TMEM45B: variants seen among roughly 807,000 people sequenced by gnomAD.
TMEM45B encodes the protein transmembrane protein 45B.
In TMEM45B, 29 loss-of-function variants were observed where a neutral mutation model predicts 27.3. The ratio of observed to expected loss-of-function variants is 1.06; its 90% CI spans 0.79 to 1.45. TMEM45B has a LOEUF of 1.45. Ranked by LOEUF, TMEM45B falls within the 40% of genes most tolerant of loss-of-function variation. The probability of loss-of-function intolerance (pLI) is 0.00; values close to 1 mark genes in which losing one functional copy is unlikely to be tolerated. For synonymous variants in TMEM45B, 143 were observed against 134.7 expected (o/e 1.06, Z -0.43); for missense variants, 348 against 343.9 (o/e 1.01, Z -0.09).
chr11:129,822,411 C>T (rs1222887315), intron 1 of TMEM45B, among the ~76,000 whole-genome samples: 9 of 152,154 alleles, frequency 5.9e-5, no homozygotes, highest in Admixed American at 5.9e-4. Flanking sequence ...CATCTGTGAG[C>T]ATGGCTTGTA....
At chr11:129,849,794 C>T (rs1591449222) in intron 1 of TMEM45B, among the ~76,000 whole-genome samples, 1 of 152,328 alleles carries the variant, frequency 6.6e-6, no homozygotes, top group East Asian at 1.9e-4. Flanking sequence ...ATCTCTGAGA[C>T]CCCGCAGGCG....
chr11:129,840,971 G>T (rs959527477), intron 1 of TMEM45B, among the ~76,000 whole-genome samples: 966 of 67,750 alleles, frequency 0.014, 10 homozygotes, highest in African/African-American at 0.046. Flanking sequence ...AAAAAAAAAA[G>T]CAACAAACAA....
At chr11:129,850,688 T>A (rs1947835547) in intron 1 of TMEM45B, 1 of 152,226 alleles carries the variant, frequency 6.6e-6, no homozygotes, top group African/African-American at 2.4e-5. Flanking sequence ...TGAGACCTCA[T>A]CAGAATTGCC....
chr11:129,841,777 T>TACAAA (rs1185461783), intron 1 of TMEM45B, among the ~76,000 whole-genome samples: 33 of 151,988 alleles, frequency 2.2e-4, no homozygotes, highest in Non-Finnish European at 2.9e-5. Flanking sequence ...TTTGTATTTT[T>TACAAA]AGTAGAGATG....
intron 1 of TMEM45B, among the ~76,000 whole-genome samples, chr11:129,837,804 CTAAGTCTTGCTT>C (rs1947643150): frequency 1.2e-5 from 1 of 84,250 alleles, no homozygotes; most frequent in Non-Finnish European, 2.2e-5. Flanking sequence ...TTTTTTGAGA[CTAAGTCTTGCTT>C]TATCGCCCAG....
At chr11:129,819,968 G>A (rs765229794) in intron 1 of TMEM45B, among the ~76,000 whole-genome samples, 15 of 152,228 alleles carry the variant, frequency 9.9e-5, no homozygotes, top group South Asian at 6.2e-4. Flanking sequence ...TAACGGTGAC[G>A]GAACCAGAGA....
Position 129,857,459 on chromosome 11 carries a change from G to A in TMEM45B, c.716+1G>A, listed in dbSNP as rs767175231. 2.0e-5 allele frequency: 32 copies of A among 1,613,910 alleles called. No individual in the cohort carries two copies. Among genetic ancestry groups the A allele is most frequent in the African/African-American group, 2.7e-5 (2 of 74,908 alleles). ...CCGTCAACTATTCTCTTGTTTACTG[G>A]TATGTCTGAGACTTCAGTGAAGCTT... On this transcript the variant is annotated splice_donor_variant, in intron 5 of 5. Transcript: ENST00000281441. LOFTEE classifies it high-confidence loss of function.
rs546077400 is a variant in TMEM45B, at chr11:129,823,514, G to T, written c.-9+7616G>T. Among the ~76,000 whole-genome samples, 233 of 152,270 alleles carry T rather than the reference G, an allele frequency of 1.5e-3. 1 individual carries two copies. Among genetic ancestry groups the T allele is most frequent in the African/African-American group, 4.9e-3 (204 of 41,542 alleles). Reference sequence around the variant, plus strand: ...TCCATCTCCCAGAACAGTGCCTTATGCATAACAGGTACTTGATAAATGTTA... The same window carrying T: ...TCCATCTCCCAGAACAGTGCCTTATTCATAACAGGTACTTGATAAATGTTA... On this transcript the variant is annotated intron_variant, in intron 1 of 5. Transcript: ENST00000281441.
intron 4 of TMEM45B, among the ~76,000 whole-genome samples, chr11:129,856,284 T>A (rs1020476441): frequency 6.6e-6 from 1 of 152,198 alleles, no homozygotes; most frequent in Non-Finnish European, 1.5e-5. Context: ...CAATCTTGGC[T>A]GACTGCAACC....
At chr11:129,850,149 G>T (rs892022900) in intron 1 of TMEM45B, among the ~76,000 whole-genome samples, 5 of 142,460 alleles carry the variant, frequency 3.5e-5, no homozygotes, top group African/African-American at 1.3e-4. Flanking sequence ...CTTTTCTCAC[G>T]TTTTTTTTTT....
chr11:129,850,673 CT>C (rs1482407673), intron 1 of TMEM45B: 1 of 152,186 alleles, frequency 6.6e-6, no homozygotes, highest in Non-Finnish European at 1.5e-5. Flanking sequence ...TTCTTTATTT[CT>C]GTCTGAGACC....
chr11:129,837,715 A>G (rs147310513), intron 1 of TMEM45B, among the ~76,000 whole-genome samples: 3,636 of 146,028 alleles, frequency 0.025, 65 homozygotes, highest in Non-Finnish European at 0.038. Flanking sequence ...ACACCCAGCT[A>G]ATTTTTTTTT....
chr11:129,833,628 A>G lies in TMEM45B; in HGVS notation c.-9+17730A>G, dbSNP rs543859115. 5.9e-5 allele frequency among the ~76,000 whole-genome samples: 9 copies of G among 152,152 alleles called. 1 individual carries two copies. In the East Asian group the frequency reaches 1.7e-3, roughly 30 times the overall value. ...CGTCTCTACTAAAAATACAAAAATT[A>G]GCCAGGCATGGTGGCGGACACCTGT... is the stretch of plus-strand genomic sequence containing the variant. On this transcript the variant is annotated intron_variant, in intron 1 of 5. Transcript: ENST00000281441.
intron 1 of TMEM45B, among the ~76,000 whole-genome samples, chr11:129,838,792 G>A (rs186186366): frequency 6.6e-6 from 1 of 152,260 alleles, no homozygotes; most frequent in African/African-American, 2.4e-5. Flanking sequence ...CTAGGCACTT[G>A]AGGAGAAAAA....
At chr11:129,817,430 T>C (rs964760670) in intron 1 of TMEM45B, among the ~76,000 whole-genome samples, 1 of 152,154 alleles carries the variant, frequency 6.6e-6, no homozygotes, top group African/African-American at 2.4e-5. Context: ...GATATGGAAC[T>C]GATATGAAGG....
intron 2 of TMEM45B, among the ~76,000 whole-genome samples, chr11:129,853,775 T>C (rs1375192771): frequency 6.6e-6 from 1 of 152,138 alleles, no homozygotes; most frequent in African/African-American, 2.4e-5. Context: ...ACTTCCTGAC[T>C]CTGTGTGTGG....
At chr11:129,832,276 A>G (rs967528951) in intron 1 of TMEM45B, among the ~76,000 whole-genome samples, 17 of 151,894 alleles carry the variant, frequency 1.1e-4, no homozygotes, top group East Asian at 9.7e-4. Flanking sequence ...AGGCTGAGGC[A>G]GGAGAATGGT....
intron 1 of TMEM45B, among the ~76,000 whole-genome samples, chr11:129,830,789 G>A (rs185779889): frequency 6.6e-6 from 1 of 152,264 alleles, no homozygotes; most frequent in African/African-American, 2.4e-5. Flanking sequence ...AATGAAAAAA[G>A]ACATAACAAG....
At chr11:129,842,800 G>T (rs115261111) in intron 1 of TMEM45B, among the ~76,000 whole-genome samples, 470 of 152,234 alleles carry the variant, frequency 3.1e-3, no homozygotes, top group African/African-American at 0.011. Context: ...TAAAGGAGTA[G>T]GATTGCATCA....
Sources: gnomAD v4.1 joint callset for allele counts (sites outside exome capture counted in the v4.1 genomes callset) on GRCh38, gnomAD v4.1.1 for gene constraint, MANE v1.5 for transcripts, NCBI Gene and HGNC (gene_info 2026-07-23, HGNC 2026-07-21) for gene names.